MAF: variants seen among roughly 807,000 people sequenced by gnomAD.
MAF encodes the protein transcription factor Maf.
MAF carries 10 observed loss-of-function variants against 22.0 expected under a neutral mutation model. That is an observed-to-expected ratio of 0.45 (90% CI 0.28 to 0.77). MAF has a LOEUF of 0.77. MAF is among the 30% of genes least tolerant of loss of function. The pLI is 0.12. For missense variants in MAF, 544 were observed against 548.4 expected (o/e 0.99, Z 0.08); for synonymous variants, 337 against 255.8 (o/e 1.32, Z -3.03).
chr16:79,402,142 T>G, the MAF span, among the ~76,000 whole-genome samples: 1 of 152,188 alleles, frequency 6.6e-6, no homozygotes, highest in Non-Finnish European at 1.5e-5. Flanking sequence ...AATTGCTGAA[T>G]TTTTCTGAGC....
At chr16:79,564,720 C>T in the MAF span, among the ~76,000 whole-genome samples, 2 of 152,182 alleles carry the variant, frequency 1.3e-5, no homozygotes, top group African/African-American at 4.8e-5. Flanking sequence ...GTGGGGAAAT[C>T]TGGCAGATCC....
At chr16:79,322,684 G>A in the MAF span, among the ~76,000 whole-genome samples, 4 of 152,038 alleles carry the variant, frequency 2.6e-5, no homozygotes, top group African/African-American at 7.2e-5. Context: ...CTGAGCTTGT[G>A]GGTATCTAGG....
the MAF span, among the ~76,000 whole-genome samples, chr16:79,367,943 T>C: frequency 6.6e-6 from 1 of 152,198 alleles, no homozygotes; most frequent in East Asian, 1.9e-4. Context: ...AGAAAATAAA[T>C]GGCCAGACAC....
At chr16:79,411,275 A>G in the MAF span, among the ~76,000 whole-genome samples, 1 of 152,188 alleles carries the variant, frequency 6.6e-6, no homozygotes, top group Admixed American at 6.5e-5. Flanking sequence ...GGTGCTCAGT[A>G]AATAACCTCT....
At chr16:79,449,291 A>G in the MAF span, among the ~76,000 whole-genome samples, 1 of 152,218 alleles carries the variant, frequency 6.6e-6, no homozygotes, top group Admixed American at 6.5e-5. Flanking sequence ...CTAACAGGCC[A>G]TGGGCCACTG....
the MAF span, among the ~76,000 whole-genome samples, chr16:79,232,893 T>G: frequency 1.4e-5 from 2 of 143,434 alleles, no homozygotes; most frequent in East Asian, 4.1e-4. Flanking sequence ...CAGGCTGGAG[T>G]GCAGTGGCAC....
chr16:79,504,865 T>A, the MAF span, among the ~76,000 whole-genome samples: 3 of 152,202 alleles, frequency 2.0e-5, no homozygotes, highest in African/African-American at 7.2e-5. Flanking sequence ...GACTATGACT[T>A]GTATGAATGC....
chr16:79,513,434 G>C, the MAF span, among the ~76,000 whole-genome samples: 1 of 152,244 alleles, frequency 6.6e-6, no homozygotes, highest in African/African-American at 2.4e-5. Context: ...TGAGATAATA[G>C]ACGTGCTAAC....
the MAF span, among the ~76,000 whole-genome samples, chr16:79,519,488 T>G: frequency 6.6e-6 from 1 of 152,094 alleles, no homozygotes; most frequent in African/African-American, 2.4e-5. Flanking sequence ...AGCCCTTAGT[T>G]TCCACCTTCA....
At chr16:79,240,097 G>A in the MAF span, among the ~76,000 whole-genome samples, 11 of 151,890 alleles carry the variant, frequency 7.2e-5, no homozygotes, top group Non-Finnish European at 1.2e-4. Context: ...CAATGCAAAG[G>A]TGATAGAGCC....
chr16:79,218,225 C>A, the MAF span, among the ~76,000 whole-genome samples: 2 of 136,262 alleles, frequency 1.5e-5, no homozygotes, highest in Non-Finnish European at 3.1e-5. Context: ...TCATGCCCCC[C>A]CTTTTTTTCC....
the MAF span, among the ~76,000 whole-genome samples, chr16:79,489,333 C>G: frequency 1.3e-5 from 2 of 152,112 alleles, no homozygotes; most frequent in African/African-American, 4.8e-5. Flanking sequence ...ATCCATCCAC[C>G]CATTCATCTA....
At chr16:79,290,358 T>G in the MAF span, among the ~76,000 whole-genome samples, 4 of 152,182 alleles carry the variant, frequency 2.6e-5, no homozygotes, top group Admixed American at 6.5e-5. Context: ...CAAATTATCT[T>G]TCCCCAGGAC....
At chr16:79,533,280 C>G in the MAF span, among the ~76,000 whole-genome samples, 1 of 152,144 alleles carries the variant, frequency 6.6e-6, no homozygotes, top group Admixed American at 6.5e-5. Context: ...TATTTCTCTG[C>G]CTTTACATAT....
the MAF span, among the ~76,000 whole-genome samples, chr16:79,305,816 C>G: frequency 1.3e-5 from 2 of 152,154 alleles, no homozygotes; most frequent in Non-Finnish European, 2.9e-5. Context: ...AATAGGGATT[C>G]AAGGCAGAAG....
At chr16:79,286,656 T>C in the MAF span, among the ~76,000 whole-genome samples, 1 of 152,184 alleles carries the variant, frequency 6.6e-6, no homozygotes, top group Non-Finnish European at 1.5e-5. Flanking sequence ...TACTGGTGCC[T>C]CACATAGATA....
At chr16:79,471,163 A>T in the MAF span, among the ~76,000 whole-genome samples, 1 of 152,202 alleles carries the variant, frequency 6.6e-6, no homozygotes, top group Non-Finnish European at 1.5e-5. Flanking sequence ...GGAAGGAGGC[A>T]TACCTGCAGG....
the MAF span, among the ~76,000 whole-genome samples, chr16:79,279,058 T>G: frequency 3.9e-5 from 6 of 152,144 alleles, no homozygotes; most frequent in Non-Finnish European, 8.8e-5. Context: ...CTGAATATAT[T>G]TTATCATTCA....
At chr16:79,474,897 C>T in the MAF span, among the ~76,000 whole-genome samples, 2 of 152,120 alleles carry the variant, frequency 1.3e-5, no homozygotes, top group African/African-American at 4.8e-5. Context: ...TGTGATTCAC[C>T]ATCATCTAAT....
Sources: gnomAD v4.1 joint callset for allele counts (sites outside exome capture counted in the v4.1 genomes callset) on GRCh38, gnomAD v4.1.1 for gene constraint, MANE v1.5 for transcripts, NCBI Gene and HGNC (gene_info 2026-07-23, HGNC 2026-07-21) for gene names.